HHAT: variants seen among roughly 807,000 people sequenced by gnomAD.
The protein encoded by HHAT is protein-cysteine N-palmitoyltransferase HHAT.
Under a neutral mutation model 70.8 loss-of-function variants are expected in HHAT, and 47 were observed. That is an observed-to-expected ratio of 0.66 (90% confidence interval 0.53 to 0.85). The LOEUF (loss-of-function observed/expected upper bound fraction) is 0.85, where lower values mean the gene tolerates loss of function less well. Among genes scored for constraint, HHAT ranks in the 40% least tolerant of loss-of-function variants. The pLI is 0.00. For synonymous variants in HHAT, 228 were observed against 247.6 expected (o/e 0.92, Z 0.74); for missense variants, 609 against 604.8 (o/e 1.01, Z -0.07).
chr1:210,335,213 A>G (rs1162916691), intron 1 of HHAT, among the ~76,000 whole-genome samples: 1 of 152,032 alleles, frequency 6.6e-6, no homozygotes, highest in Non-Finnish European at 1.5e-5. Flanking sequence ...TATTTCAGGA[A>G]TGTAAACTTT....
chr1:210,428,805 C>T (rs1386067514), intron 7 of HHAT, among the ~76,000 whole-genome samples: 3 of 151,730 alleles, frequency 2.0e-5, no homozygotes, highest in Admixed American at 6.5e-5. Flanking sequence ...GGCAAAACCC[C>T]ATCTCTACAG....
chr1:210,341,769 G>A (rs1571721259), intron 1 of HHAT, among the ~76,000 whole-genome samples: 2 of 152,136 alleles, frequency 1.3e-5, no homozygotes, highest in South Asian at 2.1e-4. Context: ...ATTTTATTCT[G>A]TGGCCCTCTT....
At chr1:210,501,007 T>G (rs982167278) in intron 8 of HHAT, among the ~76,000 whole-genome samples, 6 of 152,150 alleles carry the variant, frequency 3.9e-5, no homozygotes, top group Non-Finnish European at 7.3e-5. Flanking sequence ...TCTCCTGCCC[T>G]CCCCCATGCT....
At chr1:210,576,997 A>G (rs1392707268) in intron 9 of HHAT, among the ~76,000 whole-genome samples, 1 of 148,846 alleles carries the variant, frequency 6.7e-6, no homozygotes, top group Non-Finnish European at 1.5e-5. Context: ...TTTTTGGATC[A>G]TTTATTGTTT....
At chr1:210,658,216 G>A (rs952693644) in intron 11 of HHAT, among the ~76,000 whole-genome samples, 4 of 152,116 alleles carry the variant, frequency 2.6e-5, no homozygotes, top group Non-Finnish European at 4.4e-5. Context: ...CCTGCCCAAG[G>A]AAGCTCAGTC....
At chr1:210,638,129 T>C (rs1478309681) in intron 11 of HHAT, among the ~76,000 whole-genome samples, 1 of 152,208 alleles carries the variant, frequency 6.6e-6, no homozygotes, top group Non-Finnish European at 1.5e-5. Flanking sequence ...GGCTGCAGTC[T>C]GGTAGTTTCT....
chr1:210,552,892 T>C (rs1017347919), intron 9 of HHAT, among the ~76,000 whole-genome samples: 2 of 152,226 alleles, frequency 1.3e-5, no homozygotes, highest in Admixed American at 1.3e-4. Flanking sequence ...CCTTTGAGTC[T>C]GACCTCTGTG....
chr1:210,533,968 T>G (rs1249772045), intron 9 of HHAT, among the ~76,000 whole-genome samples: 1 of 152,136 alleles, frequency 6.6e-6, no homozygotes, highest in African/African-American at 2.4e-5. Flanking sequence ...CCAAACTCAC[T>G]GTGGAAGATG....
At chr1:210,660,404 G>A (rs11119563) in intron 11 of HHAT, among the ~76,000 whole-genome samples, 7,258 of 152,144 alleles carry the variant, frequency 0.048, 317 homozygotes, top group African/African-American at 0.11. Flanking sequence ...ACTGCTCAAC[G>A]AATTAAAAGG....
At chr1:210,651,198 C>T (rs1034293711) in intron 11 of HHAT, among the ~76,000 whole-genome samples, 1 of 152,336 alleles carries the variant, frequency 6.6e-6, no homozygotes, top group South Asian at 2.1e-4. Flanking sequence ...ACTCATCTCT[C>T]CAGACTCAGC....
At chr1:210,430,831 A>G (rs927175028) in intron 7 of HHAT, among the ~76,000 whole-genome samples, 2 of 151,760 alleles carry the variant, frequency 1.3e-5, no homozygotes, top group African/African-American at 2.4e-5. Context: ...TATCAGTCCT[A>G]TTTTTTATAT....
chr1:210,591,439 T>C lies in HHAT; in HGVS notation c.1245+3340T>C, dbSNP rs1371755083. Among the ~76,000 whole-genome samples the C allele has an allele frequency of 7.9e-5, 12 of 152,114 alleles. No individual in the cohort carries two copies. The Admixed American group carries it at 7.9e-4, about 10-fold the overall frequency. On this transcript the variant is annotated intron_variant, in intron 10 of 11. Coordinates refer to ENST00000261458, the MANE Select transcript of HHAT (RefSeq NM_018194.6). Reference sequence around the variant, plus strand: ...GTGTATATGTACCACATTGTCTTTATTTGTCTTTTGATGGACACTCAGGTT... The same window carrying C: ...GTGTATATGTACCACATTGTCTTTACTTGTCTTTTGATGGACACTCAGGTT...
intron 9 of HHAT, among the ~76,000 whole-genome samples, chr1:210,537,899 C>T (rs1484707189): frequency 1.3e-5 from 2 of 151,962 alleles, no homozygotes; most frequent in African/African-American, 4.8e-5. Context: ...TTGAAGTTCT[C>T]CTTTATTAAT....
intron 7 of HHAT, among the ~76,000 whole-genome samples, chr1:210,437,144 C>T (rs1436821602): frequency 6.6e-6 from 1 of 151,790 alleles, no homozygotes; most frequent in Non-Finnish European, 1.5e-5. Flanking sequence ...TTCTGTATCC[C>T]GTGGGATAGA....
At chr1:210,476,792 C>T (rs2148474768) in intron 8 of HHAT, among the ~76,000 whole-genome samples, 1 of 146,674 alleles carries the variant, frequency 6.8e-6, no homozygotes, top group Non-Finnish European at 1.5e-5. Flanking sequence ...TCAGTTTCTC[C>T]TGGGAGCTTG....
chr1:210,411,864 C>A (rs186713762), intron 6 of HHAT, among the ~76,000 whole-genome samples: 1 of 152,332 alleles, frequency 6.6e-6, no homozygotes, highest in East Asian at 1.9e-4. Context: ...TTGGTGTGAA[C>A]TCCTCTAGCC....
intron 8 of HHAT, among the ~76,000 whole-genome samples, chr1:210,466,131 T>G (rs1558574385): frequency 6.6e-6 from 1 of 150,838 alleles, no homozygotes; most frequent in Non-Finnish European, 1.5e-5. Flanking sequence ...TCGCAAGGAA[T>G]GAATTGCAAG....
intron 4 of HHAT, among the ~76,000 whole-genome samples, chr1:210,397,947 T>C (rs991633939): frequency 2.6e-5 from 4 of 152,204 alleles, no homozygotes; most frequent in Non-Finnish European, 5.9e-5. Flanking sequence ...GCCAGTTGGA[T>C]TGCAAGACAT....
chr1:210,445,183 G>A (rs915904430), intron 7 of HHAT, among the ~76,000 whole-genome samples: 15 of 152,190 alleles, frequency 9.9e-5, no homozygotes, highest in Non-Finnish European at 1.5e-4. Context: ...TGACTAGTGA[G>A]CATAATAGTG....
Sources: allele counts gnomAD v4.1 joint callset (sites outside exome capture counted in the v4.1 genomes callset), GRCh38; gene constraint gnomAD v4.1.1; transcripts MANE v1.5; gene names NCBI Gene and HGNC (gene_info 2026-07-23, HGNC 2026-07-21).